Variants in CACNA1E observed in about 807,000 individuals in gnomAD.
CACNA1E encodes voltage-dependent R-type calcium channel subunit alpha-1E.
A neutral mutation model predicts 259.2 loss-of-function variants in CACNA1E; 40 were observed. The ratio of observed to expected loss-of-function variants is 0.15; its 90% CI spans 0.12 to 0.20. The LOEUF (loss-of-function observed/expected upper bound fraction) is 0.20, where lower values mean the gene tolerates loss of function less well. Ranked by LOEUF, CACNA1E falls within the 10% of genes least tolerant of loss-of-function variation. CACNA1E has a pLI of 1.00. For synonymous variants in CACNA1E, 1,104 were observed against 1,138.5 expected (o/e 0.97, Z 0.61); for missense variants, 1,874 against 3,040.1 (o/e 0.62, Z 9.02).
Position 181,732,636 on chromosome 1 carries a change from C to T in CACNA1E, c.2550C>T (p.Ile850=), listed in dbSNP as rs1174745771. Residue 850 remains isoleucine, a synonymous_variant, in exon 20 of 48, where the codon ATC becomes ATT. Coordinates refer to ENST00000367573, the MANE Select transcript of CACNA1E (RefSeq NM_001205293.3). The surrounding 1 kb of genome is among the most constrained non-coding windows in gnomAD (Gnocchi z 5.5). The part of the protein sequence containing the change: ...LALEKFEEER[I]SRGGSLKGDG... ...TGGAGAAGTTCGAGGAGGAGCGCAT[C>T]AGCCGTGGGGGGTCCCTCAAGGGGG... The T allele has an allele frequency of 6.7e-7, 1 of 1,496,878 alleles. No individual in the cohort carries two copies. The highest frequency in any genetic ancestry group is 8.9e-7 in the Non-Finnish European group (1 of 1,124,684). The allele number at this position is 1,496,878 out of a possible 1,614,324, so 92.7% of individuals were successfully genotyped here.
At chr1:181,721,182 C>T (rs1306767768) in intron 15 of CACNA1E, among the ~76,000 whole-genome samples, 3 of 152,148 alleles carry the variant, frequency 2.0e-5, no homozygotes, top group African/African-American at 7.2e-5. Flanking sequence ...ATCTTCTAAC[C>T]CATTTAATGA....
intron 3 of CACNA1E, among the ~76,000 whole-genome samples, chr1:181,552,533 G>A (rs973281505): frequency 6.8e-6 from 1 of 147,050 alleles, no homozygotes; most frequent in Non-Finnish European, 1.5e-5. Flanking sequence ...CCATTCCATT[G>A]TATGGATGTG....
intron 7 of CACNA1E, among the ~76,000 whole-genome samples, chr1:181,675,842 C>T (rs982423987): frequency 5.3e-5 from 8 of 152,128 alleles, no homozygotes; most frequent in African/African-American, 9.7e-5. Flanking sequence ...CTGGACAATG[C>T]GCAGCTAAGG....
At position 181,391,662 on chromosome 1, in the gene CACNA1E, G is replaced by A. The variant is rs73044202; in HGVS notation, c.-14-21471G>A. ...TTTCTTTCTTCTAGTCTCCCCCTGG[G>A]GCCTCCCAGTGGTCAAACCTTGCTA... On this transcript the variant is annotated intron_variant, in intron 1 of 11. Coordinates refer to the CACNA1E transcript ENST00000524607. Among the ~76,000 whole-genome samples, 364 of 152,242 alleles carry A rather than the reference G, an allele frequency of 2.4e-3. 2 individuals carry two copies. Among genetic ancestry groups the A allele is most frequent in the African/African-American group, 8.4e-3 (350 of 41,548 alleles).
At chr1:181,494,674 A>C (rs1664599138) in intron 1 of CACNA1E, among the ~76,000 whole-genome samples, 1 of 152,210 alleles carries the variant, frequency 6.6e-6, no homozygotes, top group African/African-American at 2.4e-5. Context: ...GCCCAAGGTC[A>C]CCACCGGTGA....
intron 8 of CACNA1E, among the ~76,000 whole-genome samples, chr1:181,712,673 C>T (rs145048641): frequency 1.3e-5 from 2 of 152,164 alleles, no homozygotes; most frequent in African/African-American, 4.8e-5. Context: ...GAAGTGGACA[C>T]AAATATCCCC....
chr1:181,725,524 T>G (rs1654819505), intron 17 of CACNA1E, among the ~76,000 whole-genome samples: 1 of 152,232 alleles, frequency 6.6e-6, no homozygotes, highest in Admixed American at 6.5e-5. Context: ...TGAGCTGGTT[T>G]TCCTTGGGTT....
intron 21 of CACNA1E, 133 bp downstream of exon 21, chr1:181,733,883 C>T (rs796124826): frequency 6.4e-6 from 4 of 620,180 alleles, no homozygotes; most frequent in East Asian, 3.4e-5. Context: ...AAATGAGTGG[C>T]GGTTTTCTCC....
intron 2 of CACNA1E, among the ~76,000 whole-genome samples, chr1:181,451,350 C>T (rs931097100): frequency 1.3e-5 from 2 of 152,096 alleles, no homozygotes; most frequent in African/African-American, 4.8e-5. Flanking sequence ...TGGTAGGGTT[C>T]CTGTGGCAGT....
chr1:181,806,976 C>G lies in CACNA1E; in HGVS notation c.*8142C>G, dbSNP rs1662671864. ...TCAAAGTCCCAAGGACATCCTGGCTCTGAAAGGTTTTCTTTTGTTAAAAAA... is the reference window on the plus strand; with the variant it reads ...TCAAAGTCCCAAGGACATCCTGGCTGTGAAAGGTTTTCTTTTGTTAAAAAA... On this transcript the variant is annotated 3_prime_UTR_variant, in exon 48 of 48. Transcript: ENST00000367573. 1 of 151,930 alleles carries G rather than the reference C, an allele frequency of 6.6e-6. No individual in the cohort carries two copies. The highest frequency in any genetic ancestry group is 6.6e-5 in the Admixed American group (1 of 15,256). 9.4% of individuals were successfully genotyped at this position (151,930 alleles called of 1,614,324 possible).
intron 2 of CACNA1E, among the ~76,000 whole-genome samples, chr1:181,451,718 G>T (rs965145684): frequency 6.6e-6 from 1 of 152,086 alleles, no homozygotes; most frequent in Non-Finnish European, 1.5e-5. Context: ...TAAAGTCATA[G>T]CTAGCAATGT....
At chr1:181,515,277 G>C (rs1375391038) in intron 3 of CACNA1E, among the ~76,000 whole-genome samples, 2 of 152,214 alleles carry the variant, frequency 1.3e-5, no homozygotes. Context: ...ACTTCTCTCT[G>C]TGGGCTTGGG....
chr1:181,725,138 C>T (rs1230645241), intron 17 of CACNA1E, among the ~76,000 whole-genome samples: 1 of 152,218 alleles, frequency 6.6e-6, no homozygotes, highest in Non-Finnish European at 1.5e-5. Context: ...AAACCCTTCT[C>T]TTCACAGAGG....
At chr1:181,643,105 A>C (rs1156963275) in intron 6 of CACNA1E, among the ~76,000 whole-genome samples, 1 of 152,216 alleles carries the variant, frequency 6.6e-6, no homozygotes, top group Non-Finnish European at 1.5e-5. Context: ...ATTTAAATAA[A>C]CTAATTTTAT....
At chr1:181,490,283 C>G (rs1039867179) in intron 1 of CACNA1E, among the ~76,000 whole-genome samples, 2 of 152,110 alleles carry the variant, frequency 1.3e-5, no homozygotes, top group African/African-American at 4.8e-5. Flanking sequence ...TGCCACCTCC[C>G]AGAGCAGTGG....
At chr1:181,751,446 T>G (rs1657586143) in intron 26 of CACNA1E, among the ~76,000 whole-genome samples, 2 of 152,300 alleles carry the variant, frequency 1.3e-5, no homozygotes, top group African/African-American at 4.8e-5. Flanking sequence ...TGGAAGGGAC[T>G]GCGGGAACAG....
intron 13 of CACNA1E, 91 bp from the exon 14 acceptor site, chr1:181,720,115 T>C: frequency 1.4e-6 from 2 of 1,443,202 alleles, no homozygotes; most frequent in South Asian, 1.2e-5. Flanking sequence ...ATGCAGCTTA[T>C]TTCATAGACT....
At chr1:181,613,462 G>A (rs1427612609) in intron 6 of CACNA1E, among the ~76,000 whole-genome samples, 2 of 152,162 alleles carry the variant, frequency 1.3e-5, no homozygotes, top group Non-Finnish European at 2.9e-5. Flanking sequence ...ATAAGGAAGA[G>A]AACATATTTA....
chr1:181,659,604 T>A (rs1387703526), intron 7 of CACNA1E, among the ~76,000 whole-genome samples: 1 of 152,188 alleles, frequency 6.6e-6, no homozygotes, highest in Non-Finnish European at 1.5e-5. Flanking sequence ...GGGGAAGCAG[T>A]TGAGCTGTCT....
Sources: allele counts gnomAD v4.1 joint callset (sites outside exome capture counted in the v4.1 genomes callset), GRCh38; gene constraint gnomAD v4.1.1; non-coding constraint Gnocchi (gnomAD v3.1); transcripts MANE v1.5; gene names NCBI Gene and HGNC (gene_info 2026-07-23, HGNC 2026-07-21).